Variants in ZNF131 observed in about 807,000 individuals in gnomAD.
The protein encoded by ZNF131 is zinc finger and BTB domain containing 35, also known as zinc finger protein 131.
In ZNF131, 7 loss-of-function variants were observed where a neutral mutation model predicts 60.0. The ratio of observed to expected loss-of-function variants is 0.12; its 90% CI spans 0.07 to 0.22. The LOEUF is 0.22. Ranked by LOEUF, ZNF131 falls within the 10% of genes least tolerant of loss-of-function variation. The pLI is 1.00. For synonymous variants in ZNF131, 257 were observed against 253.2 expected, an observed-to-expected ratio of 1.01 and a Z score of -0.14; for missense variants, 493 against 740.9, an observed-to-expected ratio of 0.67 and a Z score of 3.88.
rs1168564587 is a variant in ZNF131, at chr5:43,175,308, C to T, written c.*175C>T. 4 of 711,842 alleles carry T rather than the reference C, an allele frequency of 5.6e-6. No homozygotes were observed. Among genetic ancestry groups the T allele is most frequent in the African/African-American group, 1.8e-5 (1 of 55,570 alleles). The allele number at this position is 711,842 out of a possible 1,614,324, so 44.1% of individuals were successfully genotyped here. ...TGATTCCCCTCCCCCTACTTATTGCCACAGAGGAGGGATCTTTTCCATAAC... is the reference window on the plus strand; with the variant it reads ...TGATTCCCCTCCCCCTACTTATTGCTACAGAGGAGGGATCTTTTCCATAAC... On this transcript the variant is annotated 3_prime_UTR_variant, in exon 7 of 7. Coordinates refer to ENST00000682664, the MANE Select transcript of ZNF131 (RefSeq NM_001330707.2).
In ZNF131 at chr5:43,175,719, T is replaced by TAAAAAA. The variant is rs59888761; in HGVS notation, c.*596_*601dup. 0.19 allele frequency: 42,211 copies of TAAAAAA among 224,432 alleles called. 5,306 individuals are homozygous for TAAAAAA. Among genetic ancestry groups the TAAAAAA allele is most frequent in the East Asian group, 0.44 (3,497 of 7,982 alleles). The allele number at this position is 224,432 out of a possible 1,614,324, so 13.9% of individuals were successfully genotyped here. A position where few individuals can be genotyped will look rare whatever the true frequency, so the allele number is the denominator to read the frequency against. ...GGTGGTGGCAAAATTTCTAGAATGTTAAAAAAAAAAAAAAATCCACACCCA... is the reference window on the plus strand; with the variant it reads ...GGTGGTGGCAAAATTTCTAGAATGTTAAAAAAAAAAAAAAAAAAAAATCCACACCCA... On this transcript the variant is annotated 3_prime_UTR_variant, in exon 7 of 7. Transcript: ENST00000682664.
chr5:43,163,057 C>T (rs1342038560), intron 5 of ZNF131, among the ~76,000 whole-genome samples: 12 of 136,112 alleles, frequency 8.8e-5, no homozygotes, highest in Middle Eastern at 5.2e-3. Context: ...CTGTAACCTC[C>T]GCCTCCCGGG....
At chr5:43,139,494 G>C (rs1335035927) in intron 4 of ZNF131, among the ~76,000 whole-genome samples, 185 bp downstream of exon 4, 1 of 152,132 alleles carries the variant, frequency 6.6e-6, no homozygotes, top group East Asian at 1.9e-4. Flanking sequence ...TTGATTTTCT[G>C]ATCATGTGTT....
chr5:43,128,029 G>A (rs780376039), intron 3 of ZNF131, among the ~76,000 whole-genome samples: 1 of 152,116 alleles, frequency 6.6e-6, no homozygotes, highest in African/African-American at 2.4e-5. Flanking sequence ...CCAGTTGCAG[G>A]GATTCCCTGA....
At chr5:43,158,266 T>C (rs1196801636) in intron 4 of ZNF131, among the ~76,000 whole-genome samples, 1 of 145,816 alleles carries the variant, frequency 6.9e-6, no homozygotes, top group Non-Finnish European at 1.5e-5. Flanking sequence ...CTGCACCCGA[T>C]GTTGTTTTTT....
At position 43,175,242 on chromosome 5, in the gene ZNF131, C is replaced by A; in HGVS notation, c.*109C>A. 1 of 1,127,006 alleles carries A rather than the reference C, an allele frequency of 8.9e-7. No homozygotes were observed. The highest frequency in any genetic ancestry group is 1.2e-6 in the Non-Finnish European group (1 of 807,414). 69.8% of individuals were successfully genotyped at this position (1,127,006 alleles called of 1,614,324 possible). On this transcript the variant is annotated 3_prime_UTR_variant, in exon 7 of 7. Coordinates refer to ENST00000682664, the MANE Select transcript of ZNF131 (RefSeq NM_001330707.2). ...AACAGACAAGTGGACCAAAGTTAAG[C>A]TGTTTCCTGTTGTGCTGAACTGTTG...
At chr5:43,166,158 G>A (rs980447133) in intron 5 of ZNF131, among the ~76,000 whole-genome samples, 1 of 152,178 alleles carries the variant, frequency 6.6e-6, no homozygotes, top group South Asian at 2.1e-4. Context: ...TTCTTCATAA[G>A]CAGTAAGGCA....
chr5:43,161,064 A>G (rs920749673), intron 4 of ZNF131, among the ~76,000 whole-genome samples, 185 bp from the exon 5 acceptor site: 2 of 152,264 alleles, frequency 1.3e-5, no homozygotes, highest in African/African-American at 2.4e-5. Flanking sequence ...CTTCGTGTCT[A>G]TGCTTTCACC....
chr5:43,137,315 G>A (rs1261134548), intron 3 of ZNF131, among the ~76,000 whole-genome samples: 1 of 152,032 alleles, frequency 6.6e-6, no homozygotes, highest in African/African-American at 2.4e-5. Flanking sequence ...AAATGATAAG[G>A]AATGAATCCC....
At chr5:43,134,738 T>C (rs1367821304) in intron 3 of ZNF131, among the ~76,000 whole-genome samples, 45 of 147,426 alleles carry the variant, frequency 3.1e-4, no homozygotes, top group Non-Finnish European at 6.4e-4. Flanking sequence ...TTCACTCTTG[T>C]TGCCCGGGCT....
intron 4 of ZNF131, among the ~76,000 whole-genome samples, chr5:43,142,336 C>T (rs1407501212): frequency 6.8e-6 from 1 of 147,732 alleles, no homozygotes; most frequent in African/African-American, 2.5e-5. Flanking sequence ...AGCAAGACTC[C>T]ATCGCCCAGA....
chr5:43,169,769 C>T (rs1233553852), intron 5 of ZNF131, among the ~76,000 whole-genome samples: 1 of 151,774 alleles, frequency 6.6e-6, no homozygotes, highest in Non-Finnish European at 1.5e-5. Context: ...AGCAGAATTG[C>T]CAGGTCAAAG....
chr5:43,161,979 C>A, intron 5 of ZNF131, 48 bp downstream of exon 5: 1 of 1,489,156 alleles, frequency 6.7e-7, no homozygotes, highest in East Asian at 2.3e-5. Context: ...ACATGCACTT[C>A]AAATTTAAGT....
chr5:43,141,641 A>C (rs772999005), intron 4 of ZNF131, among the ~76,000 whole-genome samples: 41 of 152,062 alleles, frequency 2.7e-4, no homozygotes, highest in Admixed American at 8.5e-4. Context: ...TGTGGCGTGC[A>C]ACTGTAGTCC....
chr5:43,171,329 C>A (rs1750965283), intron 5 of ZNF131, among the ~76,000 whole-genome samples: 1 of 152,176 alleles, frequency 6.6e-6, no homozygotes, highest in Non-Finnish European at 1.5e-5. Context: ...TGATGTCCCT[C>A]TAAAACCATG....
chr5:43,126,390 C>T (rs1329596318), intron 3 of ZNF131, among the ~76,000 whole-genome samples: 2 of 152,162 alleles, frequency 1.3e-5, no homozygotes, highest in African/African-American at 4.8e-5. Context: ...CTGTTCAGGT[C>T]CCAGGTGTGC....
intron 3 of ZNF131, among the ~76,000 whole-genome samples, chr5:43,136,288 A>G (rs923839874): frequency 3.3e-5 from 5 of 152,190 alleles, no homozygotes; most frequent in Non-Finnish European, 7.3e-5. Context: ...AGCTTTTCAT[A>G]TGAGGGATAT....
At chr5:43,171,914 C>T (rs866081400) in intron 5 of ZNF131, among the ~76,000 whole-genome samples, 16 of 152,230 alleles carry the variant, frequency 1.1e-4, no homozygotes, top group Middle Eastern at 3.4e-3. Context: ...GCCACCGCCC[C>T]GGGCCAGCCG....
chr5:43,147,368 G>A (rs530432662), intron 4 of ZNF131, among the ~76,000 whole-genome samples: 1 of 151,844 alleles, frequency 6.6e-6, no homozygotes, highest in South Asian at 2.1e-4. Flanking sequence ...TTTAACTTTG[G>A]AAAACAGTTT....
Sources: allele counts gnomAD v4.1 joint callset (sites outside exome capture counted in the v4.1 genomes callset), GRCh38; gene constraint gnomAD v4.1.1; transcripts MANE v1.5; gene names NCBI Gene and HGNC (gene_info 2026-07-23, HGNC 2026-07-21).